Variants in MICAL3 observed in about 807,000 individuals in gnomAD.
MICAL3 encodes the protein [F-actin]-monooxygenase MICAL3.
In MICAL3, 62 loss-of-function variants were observed where a neutral mutation model predicts 207.4. The ratio of observed to expected loss-of-function variants is 0.30; its 90% CI spans 0.24 to 0.37. The LOEUF (loss-of-function observed/expected upper bound fraction) is 0.37, where lower values mean the gene tolerates loss of function less well. MICAL3 is among the 10% of genes least tolerant of loss of function. The pLI is 1.00. For synonymous variants in MICAL3, 1,077 were observed against 1,069.3 expected (o/e 1.01, Z -0.14); for missense variants, 2,368 against 2,635.6 (o/e 0.90, Z 2.22).
chr22:17,945,471 GA>G (rs980794130), intron 1 of MICAL3, among the ~76,000 whole-genome samples: 1 of 152,122 alleles, frequency 6.6e-6, no homozygotes, highest in African/African-American at 2.4e-5. Flanking sequence ...GCACCTCAAA[GA>G]AAAACAACCC....
chr22:17,956,711 C>T (rs1475421425), intron 1 of MICAL3, among the ~76,000 whole-genome samples: 2 of 152,092 alleles, frequency 1.3e-5, no homozygotes, highest in African/African-American at 4.8e-5. Context: ...AGGAGAGCTG[C>T]GAGGACAGCC....
At chr22:17,874,209 G>A (rs886810652) in intron 16 of MICAL3, among the ~76,000 whole-genome samples, 1 of 152,178 alleles carries the variant, frequency 6.6e-6, no homozygotes, top group Admixed American at 6.5e-5. Flanking sequence ...GGTGCCATTT[G>A]CCCATTAACT....
intron 20 of MICAL3, chr22:17,839,576 T>C (rs1189789625): frequency 6.6e-6 from 1 of 151,218 alleles, no homozygotes; most frequent in Non-Finnish European, 1.5e-5. Flanking sequence ...CCTTTTTTTT[T>C]TTTTTTTAAG....
chr22:17,880,899 C>T (rs961570427), intron 16 of MICAL3, among the ~76,000 whole-genome samples: 9 of 152,198 alleles, frequency 5.9e-5, no homozygotes, highest in Non-Finnish European at 1.2e-4. Flanking sequence ...GAAAAACAGG[C>T]TGCTCTCAGG....
rs2056859348 is a variant in MICAL3, at chr22:18,024,539, G to A, written c.-333C>T. ...GGCGCTCCCCGCCGGGACTCCGCCG[G>A]GGCTGCAGGAGCGCGCGCTGCTGGC... On this transcript the variant is annotated 5_prime_UTR_variant, in exon 1 of 32. Transcript: ENST00000441493. 2 of 151,804 alleles carry A rather than the reference G, an allele frequency of 1.3e-5. No individual in the cohort carries two copies. Among genetic ancestry groups the A allele is most frequent in the Admixed American group, 1.3e-4 (2 of 15,228 alleles). The allele number at this position is 151,804 out of a possible 1,614,324, so 9.4% of individuals were successfully genotyped here. A position where few individuals can be genotyped will look rare whatever the true frequency, so the allele number is the denominator to read the frequency against.
At chr22:17,941,965 G>A (rs891805132) in intron 1 of MICAL3, among the ~76,000 whole-genome samples, 1 of 152,198 alleles carries the variant, frequency 6.6e-6, no homozygotes, top group Non-Finnish European at 1.5e-5. Flanking sequence ...CTTCAAGCGG[G>A]CCTTCTCCCT....
At chr22:17,844,008 G>A (rs577228073) in intron 19 of MICAL3, among the ~76,000 whole-genome samples, 16 of 152,262 alleles carry the variant, frequency 1.1e-4, no homozygotes, top group African/African-American at 2.9e-4. Flanking sequence ...CACAGCACCC[G>A]GCTAGTTTTT....
chr22:17,979,793 AC>A (rs1476931040), intron 1 of MICAL3, among the ~76,000 whole-genome samples: 30 of 135,306 alleles, frequency 2.2e-4, no homozygotes, highest in Non-Finnish European at 3.2e-4. Flanking sequence ...ACAAAAAAAA[AC>A]AAAAAAAAAA....
At chr22:17,955,883 C>T (rs1451536051) in intron 1 of MICAL3, among the ~76,000 whole-genome samples, 2 of 152,218 alleles carry the variant, frequency 1.3e-5, no homozygotes, top group African/African-American at 4.8e-5. Flanking sequence ...TCCGACTCCC[C>T]ACTCAGCTGC....
chr22:17,932,040 C>G (rs1406087848), intron 1 of MICAL3, among the ~76,000 whole-genome samples: 1 of 152,168 alleles, frequency 6.6e-6, no homozygotes, highest in Non-Finnish European at 1.5e-5. Flanking sequence ...TAATTACAAC[C>G]TATGGGTGCT....
chr22:17,895,465 C>A, intron 9 of MICAL3, 55 bp from the exon 10 acceptor site: 1 of 1,597,284 alleles, frequency 6.3e-7, no homozygotes. Flanking sequence ...GAACATCTCC[C>A]TCTCGTTTCA....
chr22:17,907,921 C>T (rs73876528), intron 1 of MICAL3, among the ~76,000 whole-genome samples: 330 of 152,290 alleles, frequency 2.2e-3, no homozygotes, highest in African/African-American at 7.5e-3. Context: ...CAGTAAATGA[C>T]GATATCTATG....
intron 19 of MICAL3, among the ~76,000 whole-genome samples, chr22:17,851,889 C>T (rs1925376862): frequency 6.6e-6 from 1 of 152,210 alleles, no homozygotes; most frequent in Admixed American, 6.5e-5. Flanking sequence ...AGCTTGCTCA[C>T]CAGAAAGGGG....
chr22:17,843,083 T>C (rs1426647259), intron 19 of MICAL3, among the ~76,000 whole-genome samples: 4 of 129,586 alleles, frequency 3.1e-5, no homozygotes, highest in South Asian at 2.4e-4. Flanking sequence ...ATTGCGCCAC[T>C]GCACTCCAGC....
chr22:17,999,115 T>C (rs1325074757), intron 1 of MICAL3, among the ~76,000 whole-genome samples: 1 of 152,062 alleles, frequency 6.6e-6, no homozygotes, highest in Non-Finnish European at 1.5e-5. Flanking sequence ...CAGGAGAAAT[T>C]AGGTAATTCA....
At chr22:18,021,627 G>C (rs1186726765) in intron 1 of MICAL3, among the ~76,000 whole-genome samples, 2 of 152,248 alleles carry the variant, frequency 1.3e-5, no homozygotes, top group Non-Finnish European at 2.9e-5. Flanking sequence ...TGGGTTGCTT[G>C]GAGGGAGTGG....
At chr22:17,822,307 G>C (rs1030340899) in intron 23 of MICAL3, 137 bp from the exon 24 acceptor site, 2 of 1,147,934 alleles carry the variant, frequency 1.7e-6, no homozygotes, top group Non-Finnish European at 2.4e-6. Flanking sequence ...TCTTACGCAG[G>C]GACAGACCTG....
At chr22:17,837,358 G>A (rs1048386696) in intron 20 of MICAL3, among the ~76,000 whole-genome samples, 4 of 152,212 alleles carry the variant, frequency 2.6e-5, no homozygotes, top group Non-Finnish European at 5.9e-5. Flanking sequence ...AGCAACGCCT[G>A]CCATCCACTT....
chr22:17,856,583 A>T (rs1046709745), intron 19 of MICAL3, among the ~76,000 whole-genome samples: 4 of 148,924 alleles, frequency 2.7e-5, no homozygotes, highest in Non-Finnish European at 5.9e-5. Context: ...TTCACGTTAG[A>T]TGAAACTCTA....
Sources: allele counts gnomAD v4.1 joint callset (sites outside exome capture counted in the v4.1 genomes callset), GRCh38; gene constraint gnomAD v4.1.1; transcripts MANE v1.5; gene names NCBI Gene and HGNC (gene_info 2026-07-23, HGNC 2026-07-21).